Variants in NTM observed in about 807,000 individuals in gnomAD.
The protein encoded by NTM is neurotrimin.
A neutral mutation model predicts 42.1 loss-of-function variants in NTM; 13 were observed. That is an observed-to-expected ratio of 0.31 (90% CI 0.20 to 0.49). The LOEUF (loss-of-function observed/expected upper bound fraction) is 0.49, where lower values mean the gene tolerates loss of function less well. Among genes scored for constraint, NTM ranks in the 20% least tolerant of loss-of-function variants. The pLI is 0.99. For synonymous variants in NTM, 187 were observed against 179.2 expected, an observed-to-expected ratio of 1.04 and a Z score of -0.35; for missense variants, 373 against 452.8, an observed-to-expected ratio of 0.82 and a Z score of 1.60.
intron 1 of NTM, among the ~76,000 whole-genome samples, chr11:131,605,168 A>G (rs1280420102): frequency 6.6e-6 from 1 of 151,556 alleles, no homozygotes; most frequent in Non-Finnish European, 1.5e-5. Context: ...TTCAACATCT[A>G]CTCTTCCAAT....
intron 4 of NTM, among the ~76,000 whole-genome samples, chr11:132,295,818 T>C (rs544109707): frequency 1.3e-5 from 2 of 152,018 alleles, no homozygotes; most frequent in Admixed American, 6.6e-5. Context: ...TAAGCAGAGG[T>C]GGGACTGACT....
chr11:132,273,972 C>T (rs1425136119), intron 4 of NTM, among the ~76,000 whole-genome samples: 1 of 152,146 alleles, frequency 6.6e-6, no homozygotes, highest in Non-Finnish European at 1.5e-5. Context: ...TAGTTTGTAT[C>T]TATATGAATT....
intron 3 of NTM, among the ~76,000 whole-genome samples, chr11:132,172,364 T>C (rs2076229392): frequency 6.6e-6 from 1 of 152,206 alleles, no homozygotes; most frequent in Admixed American, 6.5e-5. Flanking sequence ...TCTTCTCATC[T>C]ACCTCACTCA....
intron 1 of NTM, among the ~76,000 whole-genome samples, chr11:131,732,122 G>A (rs1591481794): frequency 6.6e-6 from 1 of 152,112 alleles, no homozygotes; most frequent in East Asian, 1.9e-4. Flanking sequence ...GTTTTATAGG[G>A]CTGTCATGAG....
intron 1 of NTM, among the ~76,000 whole-genome samples, chr11:131,861,739 G>T (rs775683967): frequency 5.4e-5 from 8 of 148,634 alleles, no homozygotes; most frequent in Non-Finnish European, 3.0e-5. Context: ...AATGCAAAAA[G>T]AAAAAAAAAG....
chr11:131,844,308 T>G (rs2044652074), intron 1 of NTM, among the ~76,000 whole-genome samples: 2 of 152,160 alleles, frequency 1.3e-5, no homozygotes, highest in Non-Finnish European at 2.9e-5. Flanking sequence ...GGTTCTGTAT[T>G]CGGACTTTTA....
At chr11:132,098,563 C>G (rs1340148885) in intron 2 of NTM, among the ~76,000 whole-genome samples, 1 of 152,234 alleles carries the variant, frequency 6.6e-6, no homozygotes, top group East Asian at 1.9e-4. Context: ...CAGATAGTGT[C>G]CCTGTCCCGA....
intron 1 of NTM, chr11:131,582,369 A>C (rs906834251): frequency 2.0e-5 from 3 of 152,228 alleles, no homozygotes; most frequent in African/African-American, 7.2e-5. Context: ...CCCCTTCCAG[A>C]AAGCTAACTG....
chr11:131,427,901 C>T (rs761546445), intron 1 of NTM, among the ~76,000 whole-genome samples: 2 of 152,200 alleles, frequency 1.3e-5, no homozygotes, highest in African/African-American at 4.8e-5. Flanking sequence ...TGCTTTTCTT[C>T]TTTTCTCTGA....
intron 1 of NTM, among the ~76,000 whole-genome samples, chr11:131,762,993 G>A (rs932844532): frequency 4.2e-4 from 64 of 152,188 alleles, no homozygotes; most frequent in African/African-American, 1.5e-3. Flanking sequence ...CAACGGGCTC[G>A]GTTCTGCTGA....
At chr11:131,386,798 C>A (rs971077892) in intron 1 of NTM, among the ~76,000 whole-genome samples, 2 of 152,168 alleles carry the variant, frequency 1.3e-5, no homozygotes, top group African/African-American at 4.8e-5. Flanking sequence ...TTCCCTCATG[C>A]CACTGTCTTT....
intron 1 of NTM, among the ~76,000 whole-genome samples, chr11:131,905,285 C>T (rs1287510757): frequency 7.9e-5 from 12 of 152,190 alleles, no homozygotes; most frequent in African/African-American, 2.9e-4. Flanking sequence ...CCCAAGGTCA[C>T]GGTCCTTCTT....
chr11:131,604,776 C>A (rs961822740), intron 1 of NTM, among the ~76,000 whole-genome samples: 1 of 150,882 alleles, frequency 6.6e-6, no homozygotes, highest in Non-Finnish European at 1.5e-5. Flanking sequence ...GTATGTGGAT[C>A]TCCAGTTGTC....
chr11:131,451,904 T>C (rs1950517419), intron 1 of NTM, among the ~76,000 whole-genome samples: 1 of 152,132 alleles, frequency 6.6e-6, no homozygotes, highest in Non-Finnish European at 1.5e-5. Flanking sequence ...TGGCCCATGA[T>C]GGCAGTGGAG....
intron 4 of NTM, among the ~76,000 whole-genome samples, chr11:132,240,063 ATCCG>A (rs927954448): frequency 3.0e-4 from 28 of 92,468 alleles, no homozygotes; most frequent in Middle Eastern, 8.2e-3. Flanking sequence ...CCATCCCTCC[ATCCG>A]TCCATCCATC....
intron 1 of NTM, among the ~76,000 whole-genome samples, chr11:131,407,681 G>A (rs1345018856): frequency 6.6e-6 from 1 of 152,244 alleles, no homozygotes; most frequent in Non-Finnish European, 1.5e-5. Context: ...CATCCCTGAT[G>A]GGTATAAAGG....
chr11:131,421,791 T>A (rs1947559521), intron 1 of NTM, among the ~76,000 whole-genome samples: 1 of 152,206 alleles, frequency 6.6e-6, no homozygotes, highest in Non-Finnish European at 1.5e-5. Flanking sequence ...TTTAGCATTG[T>A]GATTATTTGG....
At chr11:131,444,437 G>A (rs887741264) in intron 1 of NTM, among the ~76,000 whole-genome samples, 1 of 152,140 alleles carries the variant, frequency 6.6e-6, no homozygotes, top group African/African-American at 2.4e-5. Flanking sequence ...GCAGTTAGGA[G>A]GTCTTGGGTG....
At chr11:131,628,850 A>G (rs2063377610) in intron 1 of NTM, among the ~76,000 whole-genome samples, 1 of 152,270 alleles carries the variant, frequency 6.6e-6, no homozygotes, top group South Asian at 2.1e-4. Context: ...GCTCTGGGGC[A>G]GAGGCAGATG....
Sources: gnomAD v4.1 joint callset for allele counts (sites outside exome capture counted in the v4.1 genomes callset) on GRCh38, gnomAD v4.1.1 for gene constraint, MANE v1.5 for transcripts, NCBI Gene and HGNC (gene_info 2026-07-23, HGNC 2026-07-21) for gene names.